The following LMO3 variants were observed in gnomAD, a reference collection of about 807,000 sequenced individuals.
The protein encoded by LMO3 is LIM domain only 3, also known as LIM domain only protein 3.
Under a neutral mutation model 15.8 loss-of-function variants are expected in LMO3, and 2 were observed. That is an observed-to-expected ratio of 0.13 (90% CI 0.05 to 0.40). The LOEUF is 0.40. LMO3 is among the 10% of genes least tolerant of loss of function. The pLI is 0.99. For missense variants in LMO3, 86 were observed against 182.2 expected, an observed-to-expected ratio of 0.47 and a Z score of 3.04; for synonymous variants, 62 against 63.8, an observed-to-expected ratio of 0.97 and a Z score of 0.13.
intron 2 of LMO3, among the ~76,000 whole-genome samples, chr12:16,570,069 C>T (rs1025705769): frequency 2.6e-5 from 4 of 152,128 alleles, no homozygotes; most frequent in Non-Finnish European, 2.9e-5. Context: ...CAGGAAGCTG[C>T]TAGTTTCAGC....
chr12:16,562,845 C>T (rs1430450666), intron 2 of LMO3, among the ~76,000 whole-genome samples: 1 of 152,208 alleles, frequency 6.6e-6, no homozygotes, highest in Non-Finnish European at 1.5e-5. Context: ...GCTGCCCGTA[C>T]GGCGCACTGC....
intron 2 of LMO3, among the ~76,000 whole-genome samples, chr12:16,579,178 T>A (rs1424908819): frequency 6.6e-6 from 1 of 152,154 alleles, no homozygotes; most frequent in South Asian, 2.1e-4. Flanking sequence ...AAATTGTATA[T>A]ATATATTCCC....
At position 16,605,444 on chromosome 12, in the gene LMO3, C is replaced by G. The variant is rs866982907; in HGVS notation, c.-9+622G>C. 330 of 775,626 alleles carry G rather than the reference C, an allele frequency of 4.3e-4. 8 individuals are homozygous for G. The East Asian group carries it at 0.033, about 78-fold the overall frequency. The allele number at this position is 775,626 out of a possible 1,614,324, so 48.0% of individuals were successfully genotyped here. On this transcript the variant is annotated intron_variant, in intron 1 of 3. Coordinates refer to ENST00000537304, the MANE Select transcript of LMO3 (RefSeq NM_018640.5). ...TCTGCCCCTACCCGCCTGCCCCCCC[C>G]CCCCGCCCCCATGCCCAAACACAGC...
chr12:16,554,879 C>T (rs990246258), intron 3 of LMO3, among the ~76,000 whole-genome samples: 2 of 152,072 alleles, frequency 1.3e-5, no homozygotes, highest in African/African-American at 2.4e-5. Context: ...AGGATGGTCT[C>T]GATCTCCCAA....
intron 2 of LMO3, among the ~76,000 whole-genome samples, chr12:16,577,913 T>C (rs1943043868): frequency 6.6e-6 from 1 of 152,216 alleles, no homozygotes; most frequent in Admixed American, 6.5e-5. Flanking sequence ...TATGTGACAT[T>C]TTTAGACTAA....
intron 2 of LMO3, among the ~76,000 whole-genome samples, chr12:16,583,333 T>C (rs1225733317): frequency 6.6e-6 from 1 of 151,660 alleles, no homozygotes; most frequent in Admixed American, 6.6e-5. Context: ...AATTAGACAA[T>C]AGGGGAATTG....
intron 2 of LMO3, among the ~76,000 whole-genome samples, chr12:16,580,988 CTATTT>C (rs1565499246): frequency 6.6e-6 from 1 of 152,128 alleles, no homozygotes; most frequent in Non-Finnish European, 1.5e-5. Context: ...GTTTGTTGTG[CTATTT>C]TATAACTAAT....
At chr12:16,566,034 ATAT>A in intron 2 of LMO3, among the ~76,000 whole-genome samples, 1 of 102,038 alleles carries the variant, frequency 9.8e-6, no homozygotes, top group Non-Finnish European at 1.9e-5. Context: ...ATATATATAT[ATAT>A]ATAAAATGGA....
At chr12:16,554,543 TGTC>T (rs1232971918) in intron 3 of LMO3, among the ~76,000 whole-genome samples, 1 of 152,234 alleles carries the variant, frequency 6.6e-6, no homozygotes, top group African/African-American at 2.4e-5. Context: ...ACAGTCCGGT[TGTC>T]ATTATACATC....
chr12:16,604,654 C>T lies in LMO3; in HGVS notation c.-9+1412G>A. The T allele has an allele frequency of 1.7e-6, 1 of 589,352 alleles. No homozygotes were observed. The highest frequency in any genetic ancestry group is 3.0e-6 in the Non-Finnish European group (1 of 335,286). 36.5% of individuals were successfully genotyped at this position (589,352 alleles called of 1,614,324 possible). ...GCCTTTTGTGGTTGTGTCTTTGCAG[C>T]CACACAGGGATGGTTTGCAAAGAAT... On this transcript the variant is annotated intron_variant, in intron 1 of 3. Transcript: ENST00000537304. This position sits in a 1 kb window ranked among gnomAD's most constrained non-coding sequence, Gnocchi z 5.3.
At chr12:16,595,234 C>A (rs1006065835) in intron 2 of LMO3, among the ~76,000 whole-genome samples, 2 of 150,874 alleles carry the variant, frequency 1.3e-5, no homozygotes, top group Non-Finnish European at 3.0e-5. Context: ...TCCAGTGAAA[C>A]TATCTCAAGT....
intron 1 of LMO3, chr12:16,605,581 T>C: frequency 1.5e-6 from 1 of 654,222 alleles, no homozygotes; most frequent in South Asian, 2.1e-5. Flanking sequence ...GAAGTGGGGG[T>C]TCATGAATTC....
In LMO3 at chr12:16,572,538, C is replaced by A. The variant is rs966878826; in HGVS notation, c.207-12000G>T. ...TATGCCAAAGTGCCTAGAATTTTAACTGTTTCTCAAACAGATCTAAAACTG... is the reference window on the plus strand; with the variant it reads ...TATGCCAAAGTGCCTAGAATTTTAAATGTTTCTCAAACAGATCTAAAACTG... On this transcript the variant is annotated intron_variant, in intron 2 of 3. Coordinates refer to ENST00000537304, the MANE Select transcript of LMO3 (RefSeq NM_018640.5). Among the ~76,000 whole-genome samples, 8 of 150,088 alleles carry A rather than the reference C, an allele frequency of 5.3e-5. No homozygotes were observed. The South Asian group carries it at 8.3e-4, about 16-fold the overall frequency.
intron 2 of LMO3, among the ~76,000 whole-genome samples, chr12:16,580,164 C>G (rs1943116073): frequency 6.6e-6 from 1 of 152,156 alleles, no homozygotes; most frequent in East Asian, 1.9e-4. Flanking sequence ...TGGGATCTCT[C>G]TATGTTGCCC....
At chr12:16,554,091 G>A (rs570059359) in intron 3 of LMO3, among the ~76,000 whole-genome samples, 6 of 152,194 alleles carry the variant, frequency 3.9e-5, no homozygotes, top group Middle Eastern at 3.4e-3. Context: ...TGATGTTTTG[G>A]AATTAATATG....
At chr12:16,556,764 C>T (rs952546005) in intron 3 of LMO3, among the ~76,000 whole-genome samples, 1 of 152,088 alleles carries the variant, frequency 6.6e-6, no homozygotes, top group Non-Finnish European at 1.5e-5. Context: ...TCCTGGGTAA[C>T]AAAATTTGTC....
At chr12:16,600,291 C>CAAAA (rs35993210) in intron 2 of LMO3, 23 of 69,678 alleles carry the variant, frequency 3.3e-4, no homozygotes, top group Non-Finnish European at 4.2e-4. Flanking sequence ...CCTTAAGCTC[C>CAAAA]AAAAAAAAAA....
intron 3 of LMO3, among the ~76,000 whole-genome samples, chr12:16,558,559 A>T (rs1047582320): frequency 7.2e-5 from 11 of 151,780 alleles, no homozygotes; most frequent in Non-Finnish European, 1.3e-4. Flanking sequence ...TCCCTACCAA[A>T]AACATGTGCA....
chr12:16,605,284 A>G, intron 1 of LMO3: 11 of 1,191,822 alleles, frequency 9.2e-6, no homozygotes, highest in Non-Finnish European at 1.1e-5. Flanking sequence ...CAATATGAAA[A>G]AGATCATAAA....
Sources: allele counts gnomAD v4.1 joint callset (sites outside exome capture counted in the v4.1 genomes callset), GRCh38; gene constraint gnomAD v4.1.1; non-coding constraint Gnocchi (gnomAD v3.1); transcripts MANE v1.5; gene names NCBI Gene and HGNC (gene_info 2026-07-23, HGNC 2026-07-21).